NTM: variants seen among roughly 807,000 people sequenced by gnomAD.
The protein encoded by NTM is IgLON family member 2.
A neutral mutation model predicts 42.1 loss-of-function variants in NTM; 13 were observed. The ratio of observed to expected loss-of-function variants is 0.31; its 90% CI spans 0.20 to 0.49. The LOEUF is 0.49. Ranked by LOEUF, NTM falls within the 20% of genes least tolerant of loss-of-function variation. The pLI, the probability that NTM is intolerant of heterozygous loss-of-function variation, is 0.99. For missense variants in NTM, 373 were observed against 452.8 expected (o/e 0.82, Z 1.60); for synonymous variants, 187 against 179.2 (o/e 1.04, Z -0.35).
chr11:132,098,292 G>A (rs989098399), intron 2 of NTM, among the ~76,000 whole-genome samples: 2 of 152,034 alleles, frequency 1.3e-5, no homozygotes, highest in Admixed American at 1.3e-4. Flanking sequence ...CCAAAATTGT[G>A]ACTCATGATA....
chr11:132,016,147 T>A (rs969943215), intron 2 of NTM, among the ~76,000 whole-genome samples: 41 of 152,024 alleles, frequency 2.7e-4, no homozygotes, highest in African/African-American at 9.9e-4. Context: ...AAATGCTTTT[T>A]CTGCATTATT....
intron 4 of NTM, among the ~76,000 whole-genome samples, chr11:132,303,726 AAAAAAC>A (rs2094957605): frequency 1.3e-5 from 2 of 150,316 alleles, no homozygotes; most frequent in Non-Finnish European, 1.5e-5. Flanking sequence ...AAAAAAAAAA[AAAAAAC>A]AATCTGTGAA....
intron 1 of NTM, among the ~76,000 whole-genome samples, chr11:131,732,052 A>C (rs562096052): frequency 6.6e-6 from 1 of 152,296 alleles, no homozygotes; most frequent in East Asian, 1.9e-4. Context: ...GGGCGCATTT[A>C]ACTCAAACTC....
chr11:131,786,232 C>G (rs538475748), intron 1 of NTM, among the ~76,000 whole-genome samples: 1 of 152,322 alleles, frequency 6.6e-6, no homozygotes, highest in South Asian at 2.1e-4. Flanking sequence ...CCTTATCCAT[C>G]AAAGGAACTT....
intron 3 of NTM, among the ~76,000 whole-genome samples, chr11:132,191,574 T>A (rs535868252): frequency 6.6e-6 from 1 of 152,268 alleles, no homozygotes; most frequent in Non-Finnish European, 1.5e-5. Context: ...AGCCTTCACA[T>A]GAGAAAGAAT....
intron 1 of NTM, among the ~76,000 whole-genome samples, chr11:131,500,025 T>A (rs2046536788): frequency 6.6e-6 from 1 of 152,230 alleles, no homozygotes; most frequent in African/African-American, 2.4e-5. Context: ...GTGCAGTGTG[T>A]GGTCCCCCCA....
chr11:131,515,023 C>T (rs2048719114), intron 1 of NTM, among the ~76,000 whole-genome samples: 1 of 152,140 alleles, frequency 6.6e-6, no homozygotes, highest in Non-Finnish European at 1.5e-5. Flanking sequence ...ATCCTCCTGC[C>T]TCAACCTCCT....
intron 1 of NTM, among the ~76,000 whole-genome samples, chr11:131,892,952 C>T (rs1464889253): frequency 6.6e-6 from 1 of 152,232 alleles, no homozygotes; most frequent in African/African-American, 2.4e-5. Context: ...CTCTCCCTTA[C>T]AGCAGAGCTC....
At chr11:131,917,395 C>T (rs2056561231) in intron 2 of NTM, among the ~76,000 whole-genome samples, 1 of 152,194 alleles carries the variant, frequency 6.6e-6, no homozygotes, top group Admixed American at 6.5e-5. Flanking sequence ...GTTACAAATA[C>T]ATAGAAGTCA....
chr11:131,424,646 C>T (rs1264551935), intron 1 of NTM, among the ~76,000 whole-genome samples: 5 of 106,662 alleles, frequency 4.7e-5, no homozygotes, highest in South Asian at 3.1e-4. Context: ...CTGCAAGTTC[C>T]GCCTCCTGGG....
chr11:131,592,647 A>AACACACACACACACACAC (rs3040142), intron 1 of NTM, among the ~76,000 whole-genome samples: 1 of 140,688 alleles, frequency 7.1e-6, no homozygotes, highest in Non-Finnish European at 1.5e-5. Context: ...ACACACCCCA[A>AACACACACACACACACAC]ACACACACAC....
chr11:132,163,036 T>A (rs10894517), intron 3 of NTM, among the ~76,000 whole-genome samples: 65,450 of 151,992 alleles, frequency 0.43, 14,455 homozygotes, highest in East Asian at 0.66. Flanking sequence ...TTGTGAAAGT[T>A]CCAATTACTA....
chr11:131,687,247 G>A (rs1044378462), intron 1 of NTM, among the ~76,000 whole-genome samples: 17 of 152,350 alleles, frequency 1.1e-4, no homozygotes, highest in South Asian at 4.1e-4. Context: ...ACACCGTCAC[G>A]CGTGGTGTCA....
chr11:132,042,267 G>A (rs1489967845), intron 2 of NTM, among the ~76,000 whole-genome samples: 2 of 152,166 alleles, frequency 1.3e-5, no homozygotes, highest in Non-Finnish European at 2.9e-5. Flanking sequence ...TTCTGTGAGA[G>A]CTGTGCCCCA....
chr11:132,056,985 G>A (rs1485997364), intron 2 of NTM, among the ~76,000 whole-genome samples: 2 of 152,182 alleles, frequency 1.3e-5, no homozygotes, highest in African/African-American at 4.8e-5. Flanking sequence ...AGCAGTGTTA[G>A]TACGATTGTT....
chr11:131,783,776 A>C (rs1050615556), intron 1 of NTM, among the ~76,000 whole-genome samples: 10 of 152,158 alleles, frequency 6.6e-5, no homozygotes, highest in Non-Finnish European at 1.3e-4. Context: ...GAAGAAGAAA[A>C]CTTAAGCAGT....
At chr11:132,101,802 G>A (rs1047730499) in intron 2 of NTM, among the ~76,000 whole-genome samples, 1 of 152,102 alleles carries the variant, frequency 6.6e-6, no homozygotes, top group Non-Finnish European at 1.5e-5. Context: ...CCTGCCTCCT[G>A]TCCTGCCTCA....
chr11:131,833,146 A>G (rs1393391153), intron 1 of NTM, among the ~76,000 whole-genome samples: 1 of 152,184 alleles, frequency 6.6e-6, no homozygotes, highest in Non-Finnish European at 1.5e-5. Context: ...CATATTTTAG[A>G]TTTCACCTGT....
rs184673183 is a variant in NTM, at chr11:132,146,024, C to G, written c.168-258C>G. Among the ~76,000 whole-genome samples the G allele has an allele frequency of 6.6e-6, 1 of 152,266 alleles. No individual in the cohort carries two copies. Among genetic ancestry groups the G allele is most frequent in the East Asian group, 1.9e-4 (1 of 5,174 alleles). Reference sequence around the variant, plus strand: ...GCCATCCTGGGCATGCAAGGTACCTCTAGGTTATAACTGAGATCGTATTTG... The same window carrying G: ...GCCATCCTGGGCATGCAAGGTACCTGTAGGTTATAACTGAGATCGTATTTG... On this transcript the variant is annotated intron_variant, in intron 2 of 8. Transcript: ENST00000683400. The surrounding 1 kb of genome is among the most constrained non-coding windows in gnomAD (Gnocchi z 4.5).
Sources: gnomAD v4.1 joint callset for allele counts (sites outside exome capture counted in the v4.1 genomes callset) on GRCh38, gnomAD v4.1.1 for gene constraint, Gnocchi (gnomAD v3.1) non-coding constraint, MANE v1.5 for transcripts, NCBI Gene and HGNC (gene_info 2026-07-23, HGNC 2026-07-21) for gene names.